PARVA: variants seen among roughly 807,000 people sequenced by gnomAD.
PARVA encodes the protein alpha-parvin.
Under a neutral mutation model 52.6 loss-of-function variants are expected in PARVA, and 25 were observed. That is an observed-to-expected ratio of 0.48 (90% CI 0.35 to 0.66). The LOEUF is 0.66. Among genes scored for constraint, PARVA ranks in the 30% least tolerant of loss-of-function variants. The pLI is 0.01. For synonymous variants in PARVA, 185 were observed against 179.1 expected (o/e 1.03, Z -0.26); for missense variants, 373 against 450.9 (o/e 0.83, Z 1.56).
chr11:12,393,472 A>T (rs988923586), intron 1 of PARVA, among the ~76,000 whole-genome samples: 1 of 152,110 alleles, frequency 6.6e-6, no homozygotes, highest in African/African-American at 2.4e-5. Flanking sequence ...CTTACAGCAC[A>T]ACCTGGTGGC....
chr11:12,462,066 T>C (rs972421401), intron 1 of PARVA, among the ~76,000 whole-genome samples: 7 of 152,040 alleles, frequency 4.6e-5, no homozygotes, highest in African/African-American at 1.7e-4. Context: ...GGTTGGGGGG[T>C]GCAGATTTTG....
intron 12 of PARVA, among the ~76,000 whole-genome samples, chr11:12,523,008 A>G (rs529594096): frequency 1.2e-3 from 184 of 152,262 alleles, no homozygotes; most frequent in African/African-American, 4.2e-3. Context: ...GATACTGACA[A>G]TGTTCTATTT....
chr11:12,429,614 A>G (rs946951944), intron 1 of PARVA, among the ~76,000 whole-genome samples: 4 of 152,184 alleles, frequency 2.6e-5, no homozygotes, highest in Admixed American at 6.5e-5. Context: ...CCATGATTTG[A>G]TGCGTGGAAT....
intron 1 of PARVA, among the ~76,000 whole-genome samples, chr11:12,425,126 G>T (rs916588376): frequency 6.6e-6 from 1 of 152,200 alleles, no homozygotes; most frequent in African/African-American, 2.4e-5. Context: ...TATTTGAACA[G>T]TTCGAGATGT....
chr11:12,514,559 C>T lies in PARVA; in HGVS notation c.867+494C>T, dbSNP rs571118076. Among the ~76,000 whole-genome samples the T allele has an allele frequency of 3.3e-5, 5 of 152,318 alleles. No individual in the cohort carries two copies. The South Asian group carries it at 6.2e-4, about 19-fold the overall frequency. On this transcript the variant is annotated intron_variant, in intron 10 of 12. Coordinates refer to ENST00000334956, the MANE Select transcript of PARVA (RefSeq NM_018222.5). ...CTGGAGTGCAGTGGCAAGATCTCGG[C>T]TCACTGCAACCTCTGCCTCCCAGGT...
intron 1 of PARVA, among the ~76,000 whole-genome samples, chr11:12,408,385 T>G (rs1025019349): frequency 1.6e-4 from 24 of 152,232 alleles, no homozygotes; most frequent in Non-Finnish European, 3.2e-4. Flanking sequence ...CCATACCTAG[T>G]GATGCACTGA....
At chr11:12,473,662 A>G (rs1397055702) in intron 1 of PARVA, 83 bp from the exon 2 acceptor site, 4 of 1,013,454 alleles carry the variant, frequency 3.9e-6, no homozygotes, top group African/African-American at 1.6e-5. Flanking sequence ...TCTCAATGTC[A>G]ATATCGAACA....
At chr11:12,447,308 T>C (rs760094474) in intron 1 of PARVA, among the ~76,000 whole-genome samples, 4 of 152,200 alleles carry the variant, frequency 2.6e-5, no homozygotes, top group Non-Finnish European at 2.9e-5. Flanking sequence ...TAATTCATTA[T>C]GCAAATGTGA....
intron 4 of PARVA, among the ~76,000 whole-genome samples, chr11:12,487,377 A>T (rs1221239867): frequency 1.3e-5 from 2 of 152,224 alleles, no homozygotes; most frequent in Admixed American, 1.3e-4. Context: ...TGTTACTCCG[A>T]TCACTCTCCT....
intron 7 of PARVA, among the ~76,000 whole-genome samples, chr11:12,508,938 C>G (rs780200300): frequency 2.0e-5 from 3 of 152,148 alleles, no homozygotes; most frequent in Non-Finnish European, 4.4e-5. Flanking sequence ...ATGAAATCGT[C>G]ATGCCATAAA....
chr11:12,476,630 G>A (rs931701092), intron 3 of PARVA, among the ~76,000 whole-genome samples: 11 of 152,066 alleles, frequency 7.2e-5, no homozygotes, highest in Non-Finnish European at 1.6e-4. Flanking sequence ...CCCCACCCCA[G>A]GATTTGAACT....
chr11:12,414,552 A>G (rs533661505), intron 1 of PARVA, among the ~76,000 whole-genome samples: 6 of 152,320 alleles, frequency 3.9e-5, no homozygotes, highest in Non-Finnish European at 8.8e-5. Context: ...TGTATCAGAA[A>G]GCGTTTGGAG....
In PARVA at chr11:12,527,856, C is replaced by T. The variant is rs2135094209; in HGVS notation, c.1050C>T (p.Val350=). 4 of 1,608,758 alleles carry T rather than the reference C, an allele frequency of 2.5e-6. No individual in the cohort carries two copies. In the Middle Eastern group the frequency reaches 5.1e-4, roughly 204 times the overall value. ...EKPKPRPEDI[V]NCDLKSTLRV... The stretch of plus-strand genomic sequence containing the variant: ...TTTTTGTTTTCTACGCAGACATAGT[C>T]AACTGTGACCTGAAATCTACACTAC... Residue 350 remains valine (V), a synonymous_variant, in exon 13 of 13, where the codon GTC becomes GTT. Coordinates refer to ENST00000334956, the MANE Select transcript of PARVA (RefSeq NM_018222.5).
At chr11:12,503,255 C>T (rs576471634) in intron 5 of PARVA, among the ~76,000 whole-genome samples, 3 of 152,228 alleles carry the variant, frequency 2.0e-5, no homozygotes, top group South Asian at 4.2e-4. Flanking sequence ...GATCTTAAAG[C>T]CCTGAACCAA....
At chr11:12,489,127 C>T (rs2135052895) in intron 4 of PARVA, among the ~76,000 whole-genome samples, 1 of 149,056 alleles carries the variant, frequency 6.7e-6, no homozygotes, top group Non-Finnish European at 1.5e-5. Flanking sequence ...GAGTTCGAGA[C>T]TAGCATGGGC....
At chr11:12,380,125 G>A (rs1939464002) in intron 1 of PARVA, among the ~76,000 whole-genome samples, 1 of 152,166 alleles carries the variant, frequency 6.6e-6, no homozygotes, top group South Asian at 2.1e-4. Flanking sequence ...ATTCCTCACA[G>A]ACATAATTTT....
At chr11:12,424,129 A>G (rs1486671436) in intron 1 of PARVA, among the ~76,000 whole-genome samples, 1 of 152,012 alleles carries the variant, frequency 6.6e-6, no homozygotes, top group Non-Finnish European at 1.5e-5. Context: ...TCCCATTATA[A>G]TTGTATTATT....
At chr11:12,464,759 C>A (rs774843714) in intron 1 of PARVA, among the ~76,000 whole-genome samples, 1 of 152,128 alleles carries the variant, frequency 6.6e-6, no homozygotes, top group African/African-American at 2.4e-5. Context: ...CAAACTTAAT[C>A]CCCAATGTGG....
rs1940964282 is a variant in PARVA at position 12,473,727 on chromosome 11, C to G, written c.137-18C>G. The G allele has an allele frequency of 6.5e-7, 1 of 1,544,932 alleles. No homozygotes were observed. ...GTCCGTCAGCTGAAATGTGACCCTG[C>G]TCTTCCTTTTCTTCCAGTGTCCGAG... On this transcript the variant is annotated intron_variant, in intron 1 of 12. Transcript: ENST00000334956.
Sources: allele counts gnomAD v4.1 joint callset (sites outside exome capture counted in the v4.1 genomes callset), GRCh38; gene constraint gnomAD v4.1.1; transcripts MANE v1.5; gene names NCBI Gene and HGNC (gene_info 2026-07-23, HGNC 2026-07-21).